The following FAM240B variants were observed in gnomAD, a reference collection of about 807,000 sequenced individuals.
FAM240B encodes the protein protein FAM240B.
intron 2 of FAM240B, among the ~76,000 whole-genome samples, chr9:38,698,644 T>C (rs868075028): frequency 1.3e-5 from 2 of 152,192 alleles, no homozygotes; most frequent in Middle Eastern, 3.2e-3. Flanking sequence ...AAAAATCTCA[T>C]ACACATCTAC....
intron 1 of FAM240B, 105 bp from the exon 2 acceptor site, chr9:38,704,107 G>GTTTT (rs5897747): frequency 7.6e-5 from 24 of 317,654 alleles, no homozygotes; most frequent in South Asian, 1.9e-4. Flanking sequence ...ATTTACACTT[G>GTTTT]TTTTTTTTTT....
chr9:38,697,173 G>A (rs925656697), intron 2 of FAM240B, among the ~76,000 whole-genome samples: 1 of 152,186 alleles, frequency 6.6e-6, no homozygotes, highest in African/African-American at 2.4e-5. Flanking sequence ...ACTGGGTGTG[G>A]TGGCCATGAA....
intron 1 of FAM240B, among the ~76,000 whole-genome samples, chr9:38,706,260 G>T (rs984758014): frequency 3.3e-5 from 5 of 152,156 alleles, no homozygotes; most frequent in African/African-American, 1.2e-4. Context: ...CTGATTTTCA[G>T]AGGCATTGAT....
chr9:38,715,521 T>C (rs1821296129), intron 1 of FAM240B, among the ~76,000 whole-genome samples: 2 of 152,226 alleles, frequency 1.3e-5, no homozygotes, highest in African/African-American at 4.8e-5. Context: ...AATTCTTGAA[T>C]GCATGGCTTG....
At chr9:38,696,981 A>T (rs1821077131) in intron 2 of FAM240B, among the ~76,000 whole-genome samples, 1 of 152,168 alleles carries the variant, frequency 6.6e-6, no homozygotes, top group Admixed American at 6.5e-5. Context: ...CAGGTTCACA[A>T]GCTTTTTTTG....
chr9:38,714,734 T>C (rs1220386314), intron 1 of FAM240B, among the ~76,000 whole-genome samples: 1 of 152,212 alleles, frequency 6.6e-6, no homozygotes, highest in Non-Finnish European at 1.5e-5. Flanking sequence ...ACAAAATATG[T>C]GAACACTGTT....
At chr9:38,717,647 A>AT (rs1491398269) in intron 1 of FAM240B, among the ~76,000 whole-genome samples, 3 of 151,086 alleles carry the variant, frequency 2.0e-5, no homozygotes, top group Non-Finnish European at 4.4e-5. Context: ...CACCCGGCTA[A>AT]TTTTTTTGTA....
At chr9:38,708,408 T>A (rs1356728903) in intron 1 of FAM240B, among the ~76,000 whole-genome samples, 1 of 151,732 alleles carries the variant, frequency 6.6e-6, no homozygotes, top group Non-Finnish European at 1.5e-5. Context: ...GGGATTGGAG[T>A]TCTTCACCAA....
At chr9:38,703,340 T>C (rs1452665679) in intron 2 of FAM240B, among the ~76,000 whole-genome samples, 1 of 152,216 alleles carries the variant, frequency 6.6e-6, no homozygotes, top group Non-Finnish European at 1.5e-5. Flanking sequence ...TCTGTAGCCC[T>C]AGCCACCTCC....
chr9:38,701,263 C>T (rs1821122973), intron 2 of FAM240B, among the ~76,000 whole-genome samples: 1 of 152,114 alleles, frequency 6.6e-6, no homozygotes, highest in Non-Finnish European at 1.5e-5. Flanking sequence ...CTATGATATT[C>T]ATTGGTCTGC....
chr9:38,711,027 C>A (rs1054050911), intron 1 of FAM240B, among the ~76,000 whole-genome samples: 1 of 152,112 alleles, frequency 6.6e-6, no homozygotes, highest in South Asian at 2.1e-4. Flanking sequence ...AGCTGGATAC[C>A]GAGAAAGCAG....
At chr9:38,712,228 C>T (rs975698541) in intron 1 of FAM240B, among the ~76,000 whole-genome samples, 5 of 152,246 alleles carry the variant, frequency 3.3e-5, no homozygotes, top group Admixed American at 3.3e-4. Flanking sequence ...CAGAGCTTAC[C>T]TGAATTCACT....
In FAM240B at chr9:38,704,974, C is replaced by T. The variant is rs905662053; in HGVS notation, c.-3-972G>A. ...CACTGCATTTGGAAATGGGTATGTC[C>T]GGGGCAAGCTCGTTCAGCATATGTA... On this transcript the variant is annotated intron_variant, in intron 1 of 2. Transcript: ENST00000637493. Among the ~76,000 whole-genome samples, 10 of 152,268 alleles carry T rather than the reference C, an allele frequency of 6.6e-5. No homozygotes were observed. The South Asian group carries it at 8.3e-4, about 13-fold the overall frequency.
At chr9:38,708,384 T>C (rs568208721) in intron 1 of FAM240B, among the ~76,000 whole-genome samples, 1 of 152,278 alleles carries the variant, frequency 6.6e-6, no homozygotes, top group South Asian at 2.1e-4. Context: ...ATTGCTGTCA[T>C]TCCAGCAGGA....
Position 38,703,838 on chromosome 9 carries a change from A to T in FAM240B, c.143+19T>A. On this transcript the variant is annotated intron_variant, in intron 2 of 2. Transcript: ENST00000637493. ...GAAAATCCACTTTAAAAGTAATAAC[A>T]GAGAAACAATTCACATACTTTTTCA... 2.5e-6 allele frequency: 1 copy of T among 400,340 alleles called. No homozygotes were observed. Among genetic ancestry groups the T allele is most frequent in the Non-Finnish European group, 4.4e-6 (1 of 226,100 alleles). 24.8% of individuals were successfully genotyped at this position (400,340 alleles called of 1,614,324 possible). A position where few individuals can be genotyped will look rare whatever the true frequency, so the allele number is the denominator to read the frequency against.
chr9:38,695,857 G>A (rs1425344063), intron 2 of FAM240B, among the ~76,000 whole-genome samples: 1 of 152,232 alleles, frequency 6.6e-6, no homozygotes, highest in African/African-American at 2.4e-5. Flanking sequence ...TATTAGCACA[G>A]AATATAATAG....
At chr9:38,717,129 G>C (rs994018376) in intron 1 of FAM240B, among the ~76,000 whole-genome samples, 33 of 152,198 alleles carry the variant, frequency 2.2e-4, no homozygotes, top group African/African-American at 7.0e-4. Flanking sequence ...GAAGCAAAGA[G>C]CAGGGGGCTC....
At chr9:38,706,741 G>A (rs118003423) in intron 1 of FAM240B, among the ~76,000 whole-genome samples, 3,830 of 152,224 alleles carry the variant, frequency 0.025, 69 homozygotes, top group Non-Finnish European at 0.039. Flanking sequence ...AGCCTGACCC[G>A]AGCACACGCT....
At chr9:38,699,307 A>G (rs1460555199) in intron 2 of FAM240B, among the ~76,000 whole-genome samples, 1 of 152,206 alleles carries the variant, frequency 6.6e-6, no homozygotes, top group Non-Finnish European at 1.5e-5. Flanking sequence ...CTGGATCTAT[A>G]ATTATATTTT....
Sources: allele counts gnomAD v4.1 joint callset (sites outside exome capture counted in the v4.1 genomes callset), GRCh38; gene constraint gnomAD v4.1.1; transcripts MANE v1.5; gene names NCBI Gene and HGNC (gene_info 2026-07-23, HGNC 2026-07-21).